The following KANSL1 variants were observed in gnomAD, a reference collection of about 807,000 sequenced individuals.
KANSL1 encodes MLL1/MLL complex subunit KANSL1.
In KANSL1, 22 loss-of-function variants were observed where a neutral mutation model predicts 103.6. That is an observed-to-expected ratio of 0.21 (90% CI 0.15 to 0.30). The LOEUF is 0.30. KANSL1 is among the 10% of genes least tolerant of loss of function. The pLI, the probability that KANSL1 is intolerant of heterozygous loss-of-function variation, is 1.00. For missense variants in KANSL1, 1,337 were observed against 1,399.8 expected (o/e 0.96, Z 0.72); for synonymous variants, 600 against 527.6 (o/e 1.14, Z -1.88).
chr17:46,052,380 G>A (rs559829512), intron 6 of KANSL1, among the ~76,000 whole-genome samples: 1 of 152,268 alleles, frequency 6.6e-6, no homozygotes, highest in African/African-American at 2.4e-5. Flanking sequence ...CAAGGCGGGT[G>A]GATCACTTGA....
At chr17:46,123,859 G>A (rs9916447) in intron 2 of KANSL1, among the ~76,000 whole-genome samples, 319 of 152,344 alleles carry the variant, frequency 2.1e-3, no homozygotes, top group African/African-American at 5.5e-3. Context: ...TAAGATCATC[G>A]ATGAAGATGG....
intron 1 of KANSL1, among the ~76,000 whole-genome samples, chr17:46,189,656 G>A (rs1442129814): frequency 6.6e-6 from 1 of 152,158 alleles, no homozygotes; most frequent in African/African-American, 2.4e-5. Context: ...GGCCGAGGCA[G>A]GTGGATCACT....
chr17:46,135,046 T>C lies in KANSL1; in HGVS notation c.1289+35809A>G, dbSNP rs143706807. 1.7e-3 allele frequency among the ~76,000 whole-genome samples: 260 copies of C among 152,312 alleles called. No homozygotes were observed. The East Asian group carries it at 0.031, about 18-fold the overall frequency. The stretch of plus-strand genomic sequence containing the variant: ...CCCTTATGGGTCTGGGTCTACCTGA[T>C]AGTCTCTTCTGGAAGTCGGTATCAC... On this transcript the variant is annotated intron_variant, in intron 2 of 14. Coordinates refer to ENST00000432791, the MANE Select transcript of KANSL1 (RefSeq NM_015443.4).
chr17:46,185,141 T>C (rs1264346419), intron 1 of KANSL1, among the ~76,000 whole-genome samples: 1 of 152,158 alleles, frequency 6.6e-6, no homozygotes, highest in Non-Finnish European at 1.5e-5. Context: ...ATGTACTTCT[T>C]AAAAAAGGAG....
chr17:46,096,313 T>TTCTTTCTTTC (rs1488674606), intron 2 of KANSL1, among the ~76,000 whole-genome samples: 21 of 90,318 alleles, frequency 2.3e-4, no homozygotes, highest in Non-Finnish European at 4.0e-4. Context: ...TTTTTTTTCT[T>TTCTTTCTTTC]TTTTTTTTTT....
intron 2 of KANSL1, among the ~76,000 whole-genome samples, chr17:46,101,183 A>C (rs2042298396): frequency 6.6e-6 from 1 of 152,206 alleles, no homozygotes. Context: ...AGTTAGGGTC[A>C]CTGTGGGGCA....
rs1348135132 is a variant in KANSL1, at chr17:46,193,063, C to T, written c.-330G>A. On this transcript the variant is annotated 5_prime_UTR_variant, in exon 1 of 15. Coordinates refer to ENST00000432791, the MANE Select transcript of KANSL1 (RefSeq NM_015443.4). The stretch of plus-strand genomic sequence containing the variant: ...GCGGGGAGCGGCTGCTTTTTCTTCT[C>T]TTTCGGGCCCTTTCCCGGCCTTGCT... 2.0e-5 allele frequency: 3 copies of T among 152,786 alleles called. No individual in the cohort carries two copies. The highest frequency in any genetic ancestry group is 3.9e-4 in the East Asian group (2 of 5,128). 9.5% of individuals were successfully genotyped at this position (152,786 alleles called of 1,614,324 possible). A position where few individuals can be genotyped will look rare whatever the true frequency, so the allele number is the denominator to read the frequency against.
At chr17:46,191,612 C>T (rs547810068) in intron 1 of KANSL1, among the ~76,000 whole-genome samples, 1 of 152,310 alleles carries the variant, frequency 6.6e-6, no homozygotes, top group East Asian at 1.9e-4. Context: ...TTATGCAAGG[C>T]AAAGATTATG....
intron 12 of KANSL1, 89 bp downstream of exon 12, chr17:46,033,314 A>ATTTAGGGTGT (rs2077062175): frequency 6.8e-7 from 1 of 1,472,366 alleles, no homozygotes; most frequent in African/African-American, 1.4e-5. Context: ...CACACCCACA[A>ATTTAGGGTGT]GTCTTCAGGC....
At chr17:46,048,191 A>C (rs2077584589) in intron 7 of KANSL1, among the ~76,000 whole-genome samples, 1 of 152,132 alleles carries the variant, frequency 6.6e-6, no homozygotes, top group Non-Finnish European at 1.5e-5. Context: ...TACAGGTGTG[A>C]GCCACTGTGC....
chr17:46,185,268 A>G (rs2046967411), intron 1 of KANSL1, among the ~76,000 whole-genome samples: 2 of 152,356 alleles, frequency 1.3e-5, no homozygotes, highest in South Asian at 4.1e-4. Flanking sequence ...ATGAAGATCC[A>G]TTAGGACGTT....
chr17:46,194,819 C>A (rs1205892610), upstream of KANSL1, among the ~76,000 whole-genome samples: 1 of 152,338 alleles, frequency 6.6e-6, no homozygotes, highest in African/African-American at 2.4e-5. Flanking sequence ...CCCTCACAGT[C>A]GTTACAGAAC....
intron 2 of KANSL1, among the ~76,000 whole-genome samples, chr17:46,161,640 C>T (rs1450585821): frequency 6.6e-6 from 1 of 152,224 alleles, no homozygotes; most frequent in Non-Finnish European, 1.5e-5. Context: ...ACTACATATA[C>T]AAGGGTATTC....
intron 1 of KANSL1, chr17:46,221,553 T>C (rs538632117): frequency 1.4e-5 from 2 of 147,148 alleles, no homozygotes; most frequent in South Asian, 2.1e-4. Context: ...TTAACGAGAG[T>C]GCCTTAAATT....
At chr17:46,080,197 A>G (rs1227511481) in intron 4 of KANSL1, among the ~76,000 whole-genome samples, 4 of 151,376 alleles carry the variant, frequency 2.6e-5, no homozygotes, top group African/African-American at 9.7e-5. Flanking sequence ...TTAAACTACA[A>G]GTCTTCAAAT....
chr17:46,091,983 A>AT (rs1364957899), intron 3 of KANSL1, among the ~76,000 whole-genome samples: 3 of 151,932 alleles, frequency 2.0e-5, no homozygotes, highest in African/African-American at 4.8e-5. Flanking sequence ...CACCTGGCTA[A>AT]TTTTTTTGTA....
At chr17:46,188,728 C>T (rs1156333517) in intron 1 of KANSL1, among the ~76,000 whole-genome samples, 1 of 152,118 alleles carries the variant, frequency 6.6e-6, no homozygotes, top group South Asian at 2.1e-4. Flanking sequence ...TGCTTTAAAA[C>T]TCTAAATAAG....
chr17:46,154,297 G>A (rs1303600735), intron 2 of KANSL1, among the ~76,000 whole-genome samples: 1 of 152,216 alleles, frequency 6.6e-6, no homozygotes, highest in Non-Finnish European at 1.5e-5. Flanking sequence ...CTTGACAAAT[G>A]AGGGAGGATA....
intron 2 of KANSL1, among the ~76,000 whole-genome samples, chr17:46,130,404 T>G (rs1335760880): frequency 6.6e-6 from 1 of 152,182 alleles, no homozygotes; most frequent in Non-Finnish European, 1.5e-5. Context: ...ATAAAAGTCT[T>G]TTAAAGAAAC....
Sources: gnomAD v4.1 joint callset for allele counts (sites outside exome capture counted in the v4.1 genomes callset) on GRCh38, gnomAD v4.1.1 for gene constraint, MANE v1.5 for transcripts, NCBI Gene and HGNC (gene_info 2026-07-23, HGNC 2026-07-21) for gene names.